TNFAIP8: variants seen among roughly 807,000 people sequenced by gnomAD.
TNFAIP8 encodes tumor necrosis factor alpha-induced protein 8.
Under a neutral mutation model 13.3 loss-of-function variants are expected in TNFAIP8, and 7 were observed. The observed-to-expected ratio is 0.52, with a 90% CI of 0.30 to 0.99. The LOEUF (loss-of-function observed/expected upper bound fraction) is 0.99, where lower values mean the gene tolerates loss of function less well. Among genes scored for constraint, TNFAIP8 ranks in the 50% least tolerant of loss-of-function variants. The probability of loss-of-function intolerance (pLI) is 0.07; values close to 1 mark genes in which losing one functional copy is unlikely to be tolerated. For synonymous variants in TNFAIP8, 94 were observed against 87.6 expected (o/e 1.07, Z -0.41); for missense variants, 258 against 236.9 (o/e 1.09, Z -0.58).
chr5:119,327,805 A>G (rs951142289), intron 1 of TNFAIP8, among the ~76,000 whole-genome samples: 2 of 152,182 alleles, frequency 1.3e-5, no homozygotes, highest in East Asian at 3.8e-4. Context: ...GGTTATTATT[A>G]TATTCACTTT....
At chr5:119,317,887 G>A (rs1336185948) in intron 1 of TNFAIP8, among the ~76,000 whole-genome samples, 2 of 152,092 alleles carry the variant, frequency 1.3e-5, no homozygotes, top group Non-Finnish European at 2.9e-5. Context: ...GTGAGCTCCT[G>A]CACCCAGCCC....
intron 1 of TNFAIP8, among the ~76,000 whole-genome samples, chr5:119,384,733 G>A: frequency 6.6e-6 from 1 of 152,092 alleles, no homozygotes; most frequent in East Asian, 1.9e-4. Flanking sequence ...CAACCATACT[G>A]CTTTATACTA....
chr5:119,312,159 A>C (rs1211281556), intron 1 of TNFAIP8, among the ~76,000 whole-genome samples: 1 of 152,224 alleles, frequency 6.6e-6, no homozygotes, highest in Non-Finnish European at 1.5e-5. Context: ...AAAAATAACC[A>C]AATTATTATC....
intron 1 of TNFAIP8, among the ~76,000 whole-genome samples, chr5:119,289,088 A>G (rs894968223): frequency 6.6e-6 from 1 of 152,206 alleles, no homozygotes; most frequent in South Asian, 2.1e-4. Flanking sequence ...ATTAATACAA[A>G]TGTTGATTCA....
intron 1 of TNFAIP8, among the ~76,000 whole-genome samples, chr5:119,385,070 G>A (rs143654061): frequency 9.2e-5 from 14 of 152,276 alleles, no homozygotes; most frequent in African/African-American, 2.9e-4. Flanking sequence ...TCTTGTCCAC[G>A]AATTTGGCAA....
rs142350903 is a variant in TNFAIP8, at chr5:119,275,819, C to CTT, written c.1+6920_1+6921dup. 1.5e-4 allele frequency among the ~76,000 whole-genome samples: 22 copies of CTT among 151,362 alleles called. No individual in the cohort carries two copies. The South Asian group carries it at 4.2e-3, about 29-fold the overall frequency. ...AGTATTAATTTTAGTAGATTGACAG[C>CTT]TTTTTTTTTCCCCTCTAGATTTAAA... On this transcript the variant is annotated intron_variant, in intron 1 of 1. Coordinates refer to the TNFAIP8 transcript ENST00000274456.
At chr5:119,340,914 T>A (rs966930652) in intron 1 of TNFAIP8, among the ~76,000 whole-genome samples, 1 of 152,128 alleles carries the variant, frequency 6.6e-6, no homozygotes. Flanking sequence ...GAATTGGATG[T>A]TGGCTGCCAG....
At position 119,393,315 on chromosome 5, in the gene TNFAIP8, T is replaced by C. The variant is rs1324957385; in HGVS notation, c.531T>C (p.Asn177=). Residue 177 remains asparagine, a synonymous_variant, in exon 2 of 2, where the codon AAT becomes AAC. Transcript: ENST00000504771. ...CTGCCTTGTATAATCCTTTTGGGAA[T>C]TTTAAACCCCACTTACAAAAACTAT... The part of the protein sequence containing the change: ...FLAALYNPFG[N]FKPHLQKLCD... 1 of 1,613,888 alleles carries C rather than the reference T, an allele frequency of 6.2e-7. No individual in the cohort carries two copies. The highest frequency in any genetic ancestry group is 8.5e-7 in the Non-Finnish European group (1 of 1,179,890).
At chr5:119,315,746 C>T (rs546011637) in intron 1 of TNFAIP8, among the ~76,000 whole-genome samples, 2 of 152,250 alleles carry the variant, frequency 1.3e-5, no homozygotes, top group South Asian at 2.1e-4. Flanking sequence ...GCTGTCAGCT[C>T]CTGACAGGTT....
At chr5:119,280,374 C>A (rs565336882) in intron 1 of TNFAIP8, among the ~76,000 whole-genome samples, 80 of 150,446 alleles carry the variant, frequency 5.3e-4, no homozygotes, top group Non-Finnish European at 5.3e-4. Flanking sequence ...ATCTACAGAC[C>A]CCTCTACCAG....
At chr5:119,282,681 G>T (rs1748667999) in intron 1 of TNFAIP8, among the ~76,000 whole-genome samples, 1 of 152,136 alleles carries the variant, frequency 6.6e-6, no homozygotes, top group South Asian at 2.1e-4. Flanking sequence ...CACAGCCTAG[G>T]CCCCTGGCAT....
chr5:119,270,139 G>A (rs1007824485), intron 1 of TNFAIP8, among the ~76,000 whole-genome samples: 5 of 152,224 alleles, frequency 3.3e-5, no homozygotes, highest in African/African-American at 1.2e-4. Context: ...AACCAAAAAG[G>A]GTAGGCTTTA....
intron 1 of TNFAIP8, among the ~76,000 whole-genome samples, chr5:119,375,285 G>A (rs1228068824): frequency 6.6e-6 from 1 of 152,112 alleles, no homozygotes; most frequent in Non-Finnish European, 1.5e-5. Flanking sequence ...TGGTCTCCAC[G>A]GCTTCTTCTA....
At chr5:119,365,118 C>T (rs1751798258) in intron 1 of TNFAIP8, among the ~76,000 whole-genome samples, 1 of 152,096 alleles carries the variant, frequency 6.6e-6, no homozygotes, top group African/African-American at 2.4e-5. Context: ...TCCCAAAGTG[C>T]TGGGATTACA....
At chr5:119,350,781 A>AT (rs894242074) in intron 1 of TNFAIP8, among the ~76,000 whole-genome samples, 2 of 152,186 alleles carry the variant, frequency 1.3e-5, no homozygotes, top group African/African-American at 4.8e-5. Flanking sequence ...GGGATTACCC[A>AT]TAACTTCAAA....
intron 1 of TNFAIP8, among the ~76,000 whole-genome samples, chr5:119,280,047 A>C (rs1748580287): frequency 6.6e-6 from 1 of 152,136 alleles, no homozygotes; most frequent in African/African-American, 2.4e-5. Flanking sequence ...CTTTTTTAAT[A>C]CTTTTATTGT....
intron 1 of TNFAIP8, among the ~76,000 whole-genome samples, chr5:119,335,157 T>C (rs1159077292): frequency 1.3e-5 from 2 of 152,172 alleles, no homozygotes; most frequent in African/African-American, 4.8e-5. Flanking sequence ...ATCCTGACCA[T>C]GTTGCCATCT....
At chr5:119,307,767 G>A in intron 1 of TNFAIP8, among the ~76,000 whole-genome samples, 1 of 151,800 alleles carries the variant, frequency 6.6e-6, no homozygotes, top group East Asian at 1.9e-4. Flanking sequence ...TAGTAAGACT[G>A]TGTGTATATA....
rs1751392324 is a variant in TNFAIP8, at chr5:119,356,038, C to T, written c.-53C>T. On this transcript the variant is annotated 5_prime_UTR_variant, in exon 1 of 2. Coordinates refer to ENST00000504771, the MANE Select transcript of TNFAIP8 (RefSeq NM_014350.4). The stretch of plus-strand genomic sequence containing the variant: ...TTCGCTGCAGAGCGAACTTGCGGCT[C>T]GTCCGAGTACATGTGAGCGGTAATC... The T allele has an allele frequency of 5.2e-6, 8 of 1,545,378 alleles. No individual in the cohort carries two copies. Among genetic ancestry groups the T allele is most frequent in the South Asian group, 1.2e-5 (1 of 84,228 alleles).
Sources: gnomAD v4.1 joint callset for allele counts (sites outside exome capture counted in the v4.1 genomes callset) on GRCh38, gnomAD v4.1.1 for gene constraint, MANE v1.5 for transcripts, NCBI Gene and HGNC (gene_info 2026-07-23, HGNC 2026-07-21) for gene names.